The following FAM13A variants were observed in gnomAD, a reference collection of about 807,000 sequenced individuals.
FAM13A encodes the protein protein FAM13A.
A neutral mutation model predicts 129.6 loss-of-function variants in FAM13A; 76 were observed. The ratio of observed to expected loss-of-function variants is 0.59; its 90% CI spans 0.49 to 0.71. The LOEUF is 0.71. Among genes scored for constraint, FAM13A ranks in the 30% least tolerant of loss-of-function variants. FAM13A has a pLI of 0.00. For synonymous variants in FAM13A, 443 were observed against 449.9 expected (o/e 0.98, Z 0.20); for missense variants, 1,108 against 1,249.3 (o/e 0.89, Z 1.70).
chr4:88,817,618 T>C (rs866979376), intron 7 of FAM13A, among the ~76,000 whole-genome samples: 1 of 152,252 alleles, frequency 6.6e-6, no homozygotes. Context: ...AATAGTGCAT[T>C]AAAAATGTTT....
At chr4:88,750,978 A>G (rs901913025) in intron 14 of FAM13A, among the ~76,000 whole-genome samples, 1 of 152,258 alleles carries the variant, frequency 6.6e-6, no homozygotes, top group African/African-American at 2.4e-5. Context: ...GAAAATGTGC[A>G]TGCCTGTAAT....
chr4:88,896,460 T>C (rs1484996223), intron 6 of FAM13A, among the ~76,000 whole-genome samples: 1 of 152,210 alleles, frequency 6.6e-6, no homozygotes, highest in Admixed American at 6.5e-5. Context: ...TAAGTTATTT[T>C]AGGAACTGTA....
Position 88,799,091 on chromosome 4 carries a change from A to AAT in FAM13A, c.1049+5919_1049+5920insAT, listed in dbSNP as rs1478786976. On this transcript the variant is annotated intron_variant, in intron 8 of 23. Transcript: ENST00000264344. ...TCTATACTTACATCTTACTACGCAA[A>AAT]AAATAAATAAATAAAAAATAATGAC... Among the ~76,000 whole-genome samples, 9 of 152,340 alleles carry AAT rather than the reference A, an allele frequency of 5.9e-5. No individual in the cohort carries two copies. The East Asian group carries it at 1.7e-3, about 29-fold the overall frequency.
intron 10 of FAM13A, among the ~76,000 whole-genome samples, chr4:88,786,855 G>C (rs533134098): frequency 1.3e-5 from 2 of 151,706 alleles, no homozygotes; most frequent in African/African-American, 4.8e-5. Context: ...CGAATGAGGG[G>C]TGTGGGACTA....
chr4:88,815,631 T>C (rs905759693), intron 7 of FAM13A, among the ~76,000 whole-genome samples: 3 of 152,182 alleles, frequency 2.0e-5, no homozygotes. Context: ...TTTTAAAGTG[T>C]ACTCATGTGT....
chr4:88,863,782 T>G (rs1739918305), intron 6 of FAM13A, among the ~76,000 whole-genome samples: 1 of 152,198 alleles, frequency 6.6e-6, no homozygotes, highest in Non-Finnish European at 1.5e-5. Flanking sequence ...AAAAGAGTTT[T>G]GTTTATGTTT....
rs1387398206 is a variant in FAM13A at position 88,767,965 on chromosome 4, A to G, written c.1535+18T>C. 1.4e-6 allele frequency: 2 copies of G among 1,468,664 alleles called. No individual in the cohort carries two copies. The highest frequency in any genetic ancestry group is 2.8e-5 in the African/African-American group (2 of 72,092). The allele number at this position is 1,468,664 out of a possible 1,614,324, so 91.0% of individuals were successfully genotyped here. ...TCCTGCCCTTGGAAAGAATATTAGGAGACAATTCTAAAATTACCTTTCATC... is the reference window on the plus strand; with the variant it reads ...TCCTGCCCTTGGAAAGAATATTAGGGGACAATTCTAAAATTACCTTTCATC... On this transcript the variant is annotated intron_variant, in intron 12 of 23. Transcript: ENST00000264344.
chr4:88,961,347 C>CCTTT (rs1758576746), intron 4 of FAM13A, among the ~76,000 whole-genome samples: 3 of 55,426 alleles, frequency 5.4e-5, no homozygotes, highest in Non-Finnish European at 1.0e-4. Flanking sequence ...TGGAATTTGC[C>CCTTT]TTTTTTTTTT....
Position 88,737,565 on chromosome 4 carries a change from G to A in FAM13A, c.2563-10C>T. 1.9e-6 allele frequency: 3 copies of A among 1,612,400 alleles called. No homozygotes were observed. The highest frequency in any genetic ancestry group is 2.5e-6 in the Non-Finnish European group (3 of 1,178,412). ...TGCTGGAGGGGGAACCCTGTGACAGGTGTTAACAAGTAGGTTACATTCCGA... is the reference window on the plus strand; with the variant it reads ...TGCTGGAGGGGGAACCCTGTGACAGATGTTAACAAGTAGGTTACATTCCGA... On this transcript the variant is annotated splice_polypyrimidine_tract_variant and intron_variant, in intron 20 of 23. Coordinates refer to ENST00000264344, the MANE Select transcript of FAM13A (RefSeq NM_014883.4).
chr4:88,905,153 GTA>G (rs1747934044), intron 6 of FAM13A, among the ~76,000 whole-genome samples: 2 of 152,058 alleles, frequency 1.3e-5, no homozygotes, highest in African/African-American at 2.4e-5. Flanking sequence ...ATGTATGTGT[GTA>G]TATATGTATG....
intron 3 of FAM13A, 66 bp from the exon 4 acceptor site, chr4:88,991,216 G>T: frequency 8.5e-7 from 1 of 1,176,264 alleles, no homozygotes; most frequent in East Asian, 2.5e-5. Flanking sequence ...AAAGCCCATA[G>T]GTGTAATACA....
intron 4 of FAM13A, among the ~76,000 whole-genome samples, chr4:88,947,935 A>G (rs1281685149): frequency 2.0e-5 from 3 of 152,178 alleles, no homozygotes; most frequent in Non-Finnish European, 4.4e-5. Flanking sequence ...TACATTATAC[A>G]TACAGATATA....
intron 6 of FAM13A, among the ~76,000 whole-genome samples, chr4:88,857,130 A>G (rs1489090510): frequency 6.6e-6 from 1 of 151,998 alleles, no homozygotes; most frequent in Non-Finnish European, 1.5e-5. Flanking sequence ...GGGAATATAT[A>G]TTTTTAGGAG....
intron 5 of FAM13A, among the ~76,000 whole-genome samples, chr4:88,910,324 A>C (rs2150251568): frequency 1.3e-5 from 2 of 152,284 alleles, no homozygotes; most frequent in South Asian, 4.1e-4. Context: ...ACACCAGTTA[A>C]AAATACAATA....
chr4:88,730,671 C>T (rs982450331), intron 23 of FAM13A, among the ~76,000 whole-genome samples: 5 of 152,194 alleles, frequency 3.3e-5, no homozygotes, highest in Admixed American at 6.5e-5. Flanking sequence ...GGATTACAGG[C>T]GTGAGCCACC....
At chr4:88,750,755 T>A (rs1309667713) in intron 14 of FAM13A, 118 bp from the exon 15 acceptor site, 1 of 719,940 alleles carries the variant, frequency 1.4e-6, no homozygotes, top group Non-Finnish European at 2.3e-6. Context: ...ATTGAATCGT[T>A]TCTCATTTTA....
chr4:88,851,319 T>TA (rs1737535486), intron 6 of FAM13A, 136 bp from the exon 7 acceptor site: 1 of 690,940 alleles, frequency 1.4e-6, no homozygotes, highest in Admixed American at 3.1e-5. Flanking sequence ...AATATCAAGC[T>TA]AAAAATTAAA....
At chr4:88,788,334 G>C (rs1011739061) in intron 9 of FAM13A, among the ~76,000 whole-genome samples, 7 of 152,168 alleles carry the variant, frequency 4.6e-5, no homozygotes, top group Admixed American at 3.9e-4. Flanking sequence ...TACAGAGGAA[G>C]AGAGAGTGAT....
intron 7 of FAM13A, among the ~76,000 whole-genome samples, chr4:88,841,253 T>C (rs1285890554): frequency 6.6e-6 from 1 of 152,090 alleles, no homozygotes; most frequent in Non-Finnish European, 1.5e-5. Context: ...CCCAGCACTT[T>C]GGGAGGCCTA....
Sources: allele counts gnomAD v4.1 joint callset (sites outside exome capture counted in the v4.1 genomes callset), GRCh38; gene constraint gnomAD v4.1.1; transcripts MANE v1.5; gene names NCBI Gene and HGNC (gene_info 2026-07-23, HGNC 2026-07-21).